Variants in PKHD1L1 observed in about 807,000 individuals in gnomAD.
PKHD1L1 encodes the protein PKHD1 like 1, also known as fibrocystin-L.
In PKHD1L1, 434 loss-of-function variants were observed where a neutral mutation model predicts 462.9. The ratio of observed to expected loss-of-function variants is 0.94; its 90% CI spans 0.87 to 1.02. The LOEUF (loss-of-function observed/expected upper bound fraction) is 1.02. Among genes scored for constraint, PKHD1L1 ranks in the 50% least tolerant of loss-of-function variants. The probability of loss-of-function intolerance (pLI) is 0.00; values close to 1 mark genes in which losing one functional copy is unlikely to be tolerated. For synonymous variants in PKHD1L1, 1,781 were observed against 1,750.0 expected (o/e 1.02, Z -0.44); for missense variants, 5,202 against 5,096.1 (o/e 1.02, Z -0.63).
At position 109,495,997 on chromosome 8, in the gene PKHD1L1, G is replaced by T. The variant is rs117322760; in HGVS notation, c.10328-922G>T. On this transcript the variant is annotated intron_variant, in intron 63 of 77. Coordinates refer to ENST00000378402, the MANE Select transcript of PKHD1L1 (RefSeq NM_177531.6). ...AGTATTTGCTAGGCACTGTATGTGG[G>T]TTATTTCCTTTCATTTTGAAACAAT... 6.2e-4 allele frequency among the ~76,000 whole-genome samples: 94 copies of T among 152,224 alleles called. 2 individuals carry two copies. In the East Asian group the frequency reaches 0.018, roughly 29 times the overall value.
chr8:109,505,825 A>G (rs899872790), intron 68 of PKHD1L1, among the ~76,000 whole-genome samples: 1 of 152,184 alleles, frequency 6.6e-6, no homozygotes, highest in Non-Finnish European at 1.5e-5. Context: ...GGATTGCTTG[A>G]GCCCAGGAGG....
chr8:109,445,309 G>A lies in PKHD1L1; in HGVS notation c.5440G>A (p.Val1814Ile), dbSNP rs1816069664. ...CCCAGTTGGACATCATTCTGTTAGT[G>A]TTGTGGTGGGAAGTAAAGGCTTGGC... Reference protein sequence around the residue: ...PLPVGHHSVSVVVGSKGLALG... With the variant: ...PLPVGHHSVSIVVGSKGLALG... The change falls in exon 38 of 78, where the codon GTT (valine) becomes ATT (isoleucine). Residue 1814 changes from valine (V) to isoleucine (I), a missense_variant. Transcript: ENST00000378402. 1.2e-6 allele frequency: 2 copies of A among 1,613,984 alleles called. No individual in the cohort carries two copies. Among genetic ancestry groups the A allele is most frequent in the Non-Finnish European group, 1.7e-6 (2 of 1,179,880 alleles).
intron 63 of PKHD1L1, among the ~76,000 whole-genome samples, chr8:109,494,923 G>C (rs772106319): frequency 6.6e-6 from 1 of 151,712 alleles, no homozygotes; most frequent in Non-Finnish European, 1.5e-5. Flanking sequence ...AAGAAAATGG[G>C]ACTTTCTTTG....
chr8:109,457,445 A>G (rs1187854853), intron 46 of PKHD1L1, among the ~76,000 whole-genome samples: 1 of 152,182 alleles, frequency 6.6e-6, no homozygotes. Flanking sequence ...GAATAGGGCT[A>G]TTTAGTTTTC....
chr8:109,446,951 C>A (rs182922861), intron 38 of PKHD1L1, among the ~76,000 whole-genome samples: 2 of 152,120 alleles, frequency 1.3e-5, no homozygotes, highest in African/African-American at 4.8e-5. Flanking sequence ...TGTCCAGGTG[C>A]GGTGGCTCAC....
intron 77 of PKHD1L1, 153 bp downstream of exon 77, chr8:109,527,173 A>G: frequency 1.4e-6 from 1 of 703,788 alleles, no homozygotes; most frequent in Non-Finnish European, 2.3e-6. Flanking sequence ...CAACCTATGG[A>G]AAATGTTATT....
At chr8:109,404,966 A>T in intron 15 of PKHD1L1, 29 bp from the exon 16 acceptor site, 1 of 1,356,228 alleles carries the variant, frequency 7.4e-7, no homozygotes, top group Non-Finnish European at 9.9e-7. Flanking sequence ...TTTTTCATAT[A>T]TTAAAAATGT....
chr8:109,464,197 T>G lies in PKHD1L1; in HGVS notation c.7384-19T>G. The G allele has an allele frequency of 6.6e-7, 1 of 1,521,186 alleles. No individual in the cohort carries two copies. The highest frequency in any genetic ancestry group is 2.3e-5 in the East Asian group (1 of 43,700). The allele number at this position is 1,521,186 out of a possible 1,614,324, so 94.2% of individuals were successfully genotyped here. Reference sequence around the variant, plus strand: ...CATCTGAGCTATTACTAAATAACTGTGATTTCTGGGCTTAACAGGTATTCC... The same window carrying G: ...CATCTGAGCTATTACTAAATAACTGGGATTTCTGGGCTTAACAGGTATTCC... On this transcript the variant is annotated intron_variant, in intron 48 of 77. Transcript: ENST00000378402.
chr8:109,418,389 C>A (rs760618405), intron 21 of PKHD1L1, among the ~76,000 whole-genome samples: 2 of 152,132 alleles, frequency 1.3e-5, no homozygotes, highest in African/African-American at 2.4e-5. Context: ...GGTACCCAAA[C>A]AAACTAGTCA....
intron 56 of PKHD1L1, 104 bp downstream of exon 56, chr8:109,481,666 C>G: frequency 9.3e-7 from 1 of 1,070,426 alleles, no homozygotes; most frequent in Non-Finnish European, 1.2e-6. Flanking sequence ...AATACTTTAT[C>G]ATAAAAAGTA....
At chr8:109,426,700 C>T (rs1814766689) in intron 24 of PKHD1L1, among the ~76,000 whole-genome samples, 1 of 152,086 alleles carries the variant, frequency 6.6e-6, no homozygotes, top group Non-Finnish European at 1.5e-5. Context: ...GTCACCAAGG[C>T]TTTAGTGCAG....
At chr8:109,426,641 G>C (rs1814764607) in intron 24 of PKHD1L1, among the ~76,000 whole-genome samples, 1 of 151,988 alleles carries the variant, frequency 6.6e-6, no homozygotes, top group African/African-American at 2.4e-5. Context: ...ATTGGTTTGT[G>C]AATATATTTT....
At chr8:109,479,087 G>A (rs2130879771) in intron 53 of PKHD1L1, among the ~76,000 whole-genome samples, 1 of 152,218 alleles carries the variant, frequency 6.6e-6, no homozygotes, top group Non-Finnish European at 1.5e-5. Context: ...GGCTATGATT[G>A]TGCATATTTT....
chr8:109,504,113 G>A (rs897414557), intron 67 of PKHD1L1, among the ~76,000 whole-genome samples: 7 of 152,140 alleles, frequency 4.6e-5, no homozygotes, highest in African/African-American at 7.2e-5. Context: ...GGCCAAGCCC[G>A]GAGAAAATAT....
intron 76 of PKHD1L1, among the ~76,000 whole-genome samples, chr8:109,524,757 T>C (rs1452953799): frequency 6.6e-6 from 1 of 152,088 alleles, no homozygotes; most frequent in African/African-American, 2.4e-5. Flanking sequence ...ATGCCAGTGC[T>C]CTTCACCTGT....
At chr8:109,417,895 C>G (rs1249759634) in intron 21 of PKHD1L1, among the ~76,000 whole-genome samples, 1 of 152,110 alleles carries the variant, frequency 6.6e-6, no homozygotes, top group African/African-American at 2.4e-5. Context: ...TCAGACAGTC[C>G]ACCTGGATCA....
In PKHD1L1 at chr8:109,401,594, G is replaced by GT. The variant is rs779951533; in HGVS notation, c.1373+6_1373+7insT. 4.8e-6 allele frequency: 7 copies of GT among 1,466,160 alleles called. No individual in the cohort carries two copies. The highest frequency in any genetic ancestry group is 1.7e-5 in the Admixed American group (1 of 57,774). The allele number at this position is 1,466,160 out of a possible 1,614,324, so 90.8% of individuals were successfully genotyped here. A position where few individuals can be genotyped will look rare whatever the true frequency, so the allele number is the denominator to read the frequency against. On this transcript the variant is annotated splice_region_variant and intron_variant, in intron 14 of 77. Coordinates refer to ENST00000378402, the MANE Select transcript of PKHD1L1 (RefSeq NM_177531.6). ...CATCTGCAGAAAGGAAAAGAGTAAG[G>GT]CTTTTTCCTGTCATTAAATTACTGT...
chr8:109,443,768 T>G lies in PKHD1L1; in HGVS notation c.4657T>G (p.Ser1553Ala). The G allele has an allele frequency of 1.2e-6, 2 of 1,613,846 alleles. No homozygotes were observed. Among genetic ancestry groups the G allele is most frequent in the Non-Finnish European group, 1.7e-6 (2 of 1,179,784 alleles). Residue 1553 changes from serine to alanine, a missense_variant, in exon 37 of 78, where the codon TCA (serine) becomes GCA (alanine). Ser to Ala is a moderately conservative substitution (Grantham distance 99, BLOSUM62 1). Around this residue, in one of 3 missense-constraint regions of PKHD1L1, gnomAD observed 4,497 missense variants for 4,336.8 expected, o/e 1.04. Coordinates refer to ENST00000378402, the MANE Select transcript of PKHD1L1 (RefSeq NM_177531.6). ...CSLNNTRVKNSKRLLFEVSSC... is the reference protein window; with the variant it reads ...CSLNNTRVKNAKRLLFEVSSC... ...CCTGAACAATACCAGGGTTAAAAAT[T>G]CAAAAAGATTGCTATTTGAGGTTTC...
At chr8:109,504,514 G>A (rs768987641) in intron 68 of PKHD1L1, 22 bp downstream of exon 68, 262 of 1,390,514 alleles carry the variant, frequency 1.9e-4, no homozygotes, top group Non-Finnish European at 2.4e-4. Flanking sequence ...AAAAATTGTG[G>A]TTTTTCTATC....
Sources: allele counts gnomAD v4.1 joint callset (sites outside exome capture counted in the v4.1 genomes callset), GRCh38; gene constraint gnomAD v4.1.1; regional missense constraint gnomAD v4.1.1; transcripts MANE v1.5; gene names NCBI Gene and HGNC (gene_info 2026-07-23, HGNC 2026-07-21).